Variants in PIK3R4 observed in about 807,000 individuals in gnomAD.
PIK3R4 encodes the protein phosphoinositide 3-kinase regulatory subunit 4.
PIK3R4 carries 46 observed loss-of-function variants against 136.5 expected under a neutral mutation model. That is an observed-to-expected ratio of 0.34 (90% CI 0.27 to 0.43). The LOEUF is 0.43. PIK3R4 is among the 20% of genes least tolerant of loss of function. The pLI is 1.00. For synonymous variants in PIK3R4, 557 were observed against 566.7 expected (o/e 0.98, Z 0.24); for missense variants, 1,331 against 1,649.5 (o/e 0.81, Z 3.35).
At chr3:130,702,366 T>C (rs1399745421) in intron 13 of PIK3R4, among the ~76,000 whole-genome samples, 1 of 152,154 alleles carries the variant, frequency 6.6e-6, no homozygotes, top group Non-Finnish European at 1.5e-5. Context: ...CTTTACTTCT[T>C]TTTAAATTAT....
Position 130,708,313 on chromosome 3 carries a change from T to C in PIK3R4, c.2511A>G (p.Lys837=), listed in dbSNP as rs1358496854. The change falls in exon 10 of 20, where the codon AAA becomes AAG. Residue 837 remains lysine (K), a synonymous_variant. Coordinates refer to ENST00000356763, the MANE Select transcript of PIK3R4 (RefSeq NM_014602.3). ...AACCCCGTTTGTCATCTGGTTCTTG[T>C]TTGGTTTTAACAAGATCAACTTGTC... The part of the protein sequence containing the change: ...TGRQVDLVKT[K]QEPDDKRARK... The C allele has an allele frequency of 6.2e-7, 1 of 1,613,564 alleles. No homozygotes were observed. Among genetic ancestry groups the C allele is most frequent in the Non-Finnish European group, 8.5e-7 (1 of 1,179,682 alleles).
intron 13 of PIK3R4, among the ~76,000 whole-genome samples, chr3:130,702,252 G>A (rs1387380539): frequency 6.6e-6 from 1 of 152,178 alleles, no homozygotes; most frequent in Non-Finnish European, 1.5e-5. Flanking sequence ...TAGGTGGCAA[G>A]TACATGGATG....
intron 7 of PIK3R4, among the ~76,000 whole-genome samples, chr3:130,723,087 A>G (rs1192409224): frequency 6.9e-6 from 1 of 145,596 alleles, no homozygotes; most frequent in Non-Finnish European, 1.5e-5. Flanking sequence ...AAAAAAAAAA[A>G]AAAAAAAAAA....
At chr3:130,687,293 G>A (rs368798396) in intron 14 of PIK3R4, among the ~76,000 whole-genome samples, 2 of 152,058 alleles carry the variant, frequency 1.3e-5, no homozygotes, top group South Asian at 4.1e-4. Context: ...CATCATATTA[G>A]CATTCGAAAA....
In PIK3R4 at chr3:130,686,399, C is replaced by T. The variant is rs763387197; in HGVS notation, c.3287G>A (p.Gly1096Asp). The T allele has an allele frequency of 6.2e-6, 10 of 1,610,624 alleles. No individual in the cohort carries two copies. The highest frequency in any genetic ancestry group is 8.5e-6 in the Non-Finnish European group (10 of 1,176,958). ...QSRILDQKED[G>D]CVVDMHHFNS... The stretch of plus-strand genomic sequence containing the variant: ...GAAGTGATGCATATCCACAACACAA[C>T]CGTCCTCCTTCTGATCTAGAATTCT... Residue 1096 changes from glycine to aspartate, a missense_variant, in exon 15 of 20, where the codon GGT becomes GAT. Gly to Asp is a moderately conservative substitution (Grantham distance 94). Coordinates refer to ENST00000356763, the MANE Select transcript of PIK3R4 (RefSeq NM_014602.3).
chr3:130,696,449 G>C (rs1261964243), intron 13 of PIK3R4, among the ~76,000 whole-genome samples: 1 of 151,966 alleles, frequency 6.6e-6, no homozygotes. Flanking sequence ...CCAAGTTTTA[G>C]TATGCTGTTC....
intron 9 of PIK3R4, among the ~76,000 whole-genome samples, chr3:130,710,639 C>T (rs2066628224): frequency 6.6e-6 from 1 of 152,004 alleles, no homozygotes; most frequent in Non-Finnish European, 1.5e-5. Flanking sequence ...TCACTGTTCA[C>T]ACATGATACA....
intron 13 of PIK3R4, among the ~76,000 whole-genome samples, chr3:130,698,228 G>A (rs970740801): frequency 5.3e-5 from 8 of 152,144 alleles, no homozygotes; most frequent in African/African-American, 1.7e-4. Flanking sequence ...TGGGTGTGCA[G>A]ATTAATGTTT....
chr3:130,690,338 ATTTAT>A (rs879491566), intron 14 of PIK3R4, 147 bp downstream of exon 14: 2 of 320,560 alleles, frequency 6.2e-6, no homozygotes, highest in Admixed American at 9.7e-5. Flanking sequence ...TTAAAATTTT[ATTTAT>A]TTATTTATTT....
chr3:130,709,617 T>G (rs2107609633), intron 9 of PIK3R4, among the ~76,000 whole-genome samples: 1 of 152,300 alleles, frequency 6.6e-6, no homozygotes, highest in South Asian at 2.1e-4. Flanking sequence ...AATAGCTACC[T>G]TATAGCTAAA....
intron 5 of PIK3R4, among the ~76,000 whole-genome samples, chr3:130,729,452 T>A (rs1183230114): frequency 6.6e-6 from 1 of 152,218 alleles, no homozygotes; most frequent in East Asian, 1.9e-4. Context: ...CAAAACTATA[T>A]GCTCACATTA....
At chr3:130,682,938 C>T (rs1318677466) in intron 16 of PIK3R4, among the ~76,000 whole-genome samples, 4 of 152,082 alleles carry the variant, frequency 2.6e-5, no homozygotes, top group African/African-American at 7.2e-5. Flanking sequence ...GAGGTACAGA[C>T]AGAAGCAGGC....
Position 130,734,054 on chromosome 3 carries a change from G to A in PIK3R4, c.944C>T (p.Ala315Val). 1 of 1,614,110 alleles carries A rather than the reference G, an allele frequency of 6.2e-7. No individual in the cohort carries two copies. The highest frequency in any genetic ancestry group is 8.5e-7 in the Non-Finnish European group (1 of 1,179,978). ...EDYLKQQRGN[A>V]FPEIFYTFLQ... ...AAAAGTGTAAAATATTTCAGGAAAG[G>A]CATTGCCACGCTGCTGTTTTAAGTA... Residue 315 changes from alanine to valine, a missense_variant, in exon 4 of 20, where the codon GCC (alanine) becomes GTC (valine). Around this residue, in one of 2 missense-constraint regions of PIK3R4, gnomAD observed 1,180 missense variants for 1,407.0 expected, o/e 0.84. Transcript: ENST00000356763.
At chr3:130,713,723 A>G (rs2066644959) in intron 9 of PIK3R4, among the ~76,000 whole-genome samples, 2 of 151,914 alleles carry the variant, frequency 1.3e-5, no homozygotes, top group African/African-American at 4.9e-5. Flanking sequence ...CCCAGGTTGG[A>G]GTGCAATGGC....
chr3:130,710,966 GA>G (rs929330016), intron 9 of PIK3R4, among the ~76,000 whole-genome samples: 4 of 92,370 alleles, frequency 4.3e-5, no homozygotes, highest in African/African-American at 8.3e-5. Context: ...TCTTGAAAAA[GA>G]AAAAAAAATG....
chr3:130,707,983 C>G (rs1390802478), intron 10 of PIK3R4, among the ~76,000 whole-genome samples: 1 of 152,136 alleles, frequency 6.6e-6, no homozygotes, highest in Non-Finnish European at 1.5e-5. Flanking sequence ...GGTTAAAAAA[C>G]AGAATTTCAT....
intron 3 of PIK3R4, 57 bp downstream of exon 3, chr3:130,735,812 A>C: frequency 6.7e-7 from 1 of 1,489,852 alleles, no homozygotes; most frequent in Non-Finnish European, 9.1e-7. Context: ...GATTAAAGCA[A>C]AAGTGGGAAC....
At chr3:130,716,304 T>C in intron 9 of PIK3R4, 92 bp downstream of exon 9, 2 of 985,850 alleles carry the variant, frequency 2.0e-6, no homozygotes, top group East Asian at 2.4e-5. Flanking sequence ...TGTAATCTAA[T>C]CAATCAAAAA....
intron 16 of PIK3R4, among the ~76,000 whole-genome samples, chr3:130,682,617 A>G (rs2066466090): frequency 6.6e-6 from 1 of 152,166 alleles, no homozygotes; most frequent in African/African-American, 2.4e-5. Flanking sequence ...GCTCCTTTCA[A>G]GGTGGCCTTC....
Sources: gnomAD v4.1 joint callset for allele counts (sites outside exome capture counted in the v4.1 genomes callset) on GRCh38, gnomAD v4.1.1 for gene constraint, gnomAD v4.1.1 regional missense constraint, MANE v1.5 for transcripts, NCBI Gene and HGNC (gene_info 2026-07-23, HGNC 2026-07-21) for gene names.